PHKB: variants seen among roughly 807,000 people sequenced by gnomAD.
PHKB encodes phosphorylase kinase regulatory subunit beta.
A neutral mutation model predicts 152.1 loss-of-function variants in PHKB; 122 were observed. The ratio of observed to expected loss-of-function variants is 0.80; its 90% CI spans 0.69 to 0.93. PHKB has a LOEUF of 0.93. Ranked by LOEUF, PHKB falls within the 40% of genes least tolerant of loss-of-function variation. The pLI, the probability that PHKB is intolerant of heterozygous loss-of-function variation, is 0.00. For missense variants in PHKB, 1,304 were observed against 1,328.4 expected (o/e 0.98, Z 0.29); for synonymous variants, 436 against 464.9 (o/e 0.94, Z 0.80).
chr16:47,599,071 A>G, intron 13 of PHKB: 1 of 593,998 alleles, frequency 1.7e-6, no homozygotes, highest in Non-Finnish European at 3.0e-6. Context: ...TGGGAAGGTT[A>G]TCTCTGGTTA....
intron 14 of PHKB, among the ~76,000 whole-genome samples, chr16:47,624,263 G>A (rs1326239341): frequency 6.6e-6 from 1 of 152,136 alleles, no homozygotes; most frequent in Non-Finnish European, 1.5e-5. Context: ...ACTGTAACAT[G>A]GTCAGGTATC....
chr16:47,613,058 A>G (rs1402634922), intron 14 of PHKB, among the ~76,000 whole-genome samples: 1 of 152,104 alleles, frequency 6.6e-6, no homozygotes, highest in East Asian at 1.9e-4. Flanking sequence ...GTAAATAGGG[A>G]ATAGTAAAGT....
chr16:47,545,458 G>T (rs980899564), intron 6 of PHKB, among the ~76,000 whole-genome samples: 2 of 152,182 alleles, frequency 1.3e-5, no homozygotes, highest in African/African-American at 4.8e-5. Context: ...CTGCCGTGAG[G>T]TCTGCTGTTA....
At chr16:47,573,822 G>C (rs1898123856) in intron 7 of PHKB, among the ~76,000 whole-genome samples, 1 of 152,236 alleles carries the variant, frequency 6.6e-6, no homozygotes, top group Admixed American at 6.5e-5. Context: ...TGTGACCACT[G>C]TCTGAGTTAG....
chr16:47,516,265 C>T (rs1970595721), intron 6 of PHKB, among the ~76,000 whole-genome samples: 1 of 152,000 alleles, frequency 6.6e-6, no homozygotes, highest in South Asian at 2.1e-4. Flanking sequence ...CATAACTCAC[C>T]CTTTGAAAAG....
intron 10 of PHKB, among the ~76,000 whole-genome samples, chr16:47,591,223 C>T (rs1054578333): frequency 6.6e-6 from 1 of 152,082 alleles, no homozygotes; most frequent in Non-Finnish European, 1.5e-5. Flanking sequence ...AGAAACCAAA[C>T]GAAACCCTTC....
At chr16:47,527,546 G>A (rs1251723494) in intron 6 of PHKB, among the ~76,000 whole-genome samples, 1 of 152,166 alleles carries the variant, frequency 6.6e-6, no homozygotes, top group East Asian at 1.9e-4. Context: ...TCTTCTATAA[G>A]AAAGTGCACG....
chr16:47,642,175 C>T (rs1973036519), intron 16 of PHKB, among the ~76,000 whole-genome samples: 1 of 151,638 alleles, frequency 6.6e-6, no homozygotes, highest in Non-Finnish European at 1.5e-5. Flanking sequence ...GTACTCATAC[C>T]TAAATATTTT....
intron 26 of PHKB, among the ~76,000 whole-genome samples, chr16:47,673,848 A>G (rs1375477489): frequency 6.6e-6 from 1 of 152,198 alleles, no homozygotes; most frequent in Non-Finnish European, 1.5e-5. Flanking sequence ...TGAAGTAGGC[A>G]CTAGAACCAC....
At chr16:47,512,807 A>T (rs1359648329) in intron 5 of PHKB, among the ~76,000 whole-genome samples, 1 of 152,192 alleles carries the variant, frequency 6.6e-6, no homozygotes, top group African/African-American at 2.4e-5. Context: ...TTTGGGACAG[A>T]GTACTTAACT....
At chr16:47,565,093 ATCT>A (rs921809017) in intron 7 of PHKB, 41 of 489,336 alleles carry the variant, frequency 8.4e-5, no homozygotes, top group Admixed American at 6.4e-4. Flanking sequence ...ATTTGGTGTA[ATCT>A]TCTCCCTCGT....
intron 13 of PHKB, among the ~76,000 whole-genome samples, chr16:47,608,155 T>A (rs949896667): frequency 2.0e-5 from 3 of 152,222 alleles, no homozygotes; most frequent in Admixed American, 6.5e-5. Context: ...ACTTTCTTGA[T>A]GGATCTTTTG....
chr16:47,664,822 A>G, intron 24 of PHKB, 63 bp from the exon 25 acceptor site: 1 of 988,326 alleles, frequency 1.0e-6, no homozygotes, highest in Non-Finnish European at 1.6e-6. Flanking sequence ...TATGTTTGGA[A>G]GAACTCCTGG....
chr16:47,594,367 A>T (rs113502391), intron 12 of PHKB, among the ~76,000 whole-genome samples, 153 bp downstream of exon 12: 59 of 152,364 alleles, frequency 3.9e-4, no homozygotes, highest in African/African-American at 1.3e-3. Context: ...AGATTAAGCA[A>T]GACAAAGATG....
intron 26 of PHKB, among the ~76,000 whole-genome samples, chr16:47,681,660 G>T (rs1973859025): frequency 6.6e-6 from 1 of 152,084 alleles, no homozygotes. Flanking sequence ...GAGCCTATGT[G>T]TGTCTCTGCA....
intron 7 of PHKB, among the ~76,000 whole-genome samples, chr16:47,557,067 G>C (rs1328515600): frequency 6.6e-6 from 1 of 152,186 alleles, no homozygotes; most frequent in East Asian, 1.9e-4. Flanking sequence ...AGAGCCCTCA[G>C]AAATAATGCC....
At chr16:47,605,202 A>G (rs779559540) in intron 13 of PHKB, among the ~76,000 whole-genome samples, 40 of 152,322 alleles carry the variant, frequency 2.6e-4, no homozygotes, top group Non-Finnish European at 4.6e-4. Flanking sequence ...TAGTAAGTGT[A>G]TTGAGTGCCT....
At chr16:47,684,968 A>T (rs1973936316) in intron 26 of PHKB, among the ~76,000 whole-genome samples, 1 of 152,166 alleles carries the variant, frequency 6.6e-6, no homozygotes, top group African/African-American at 2.4e-5. Context: ...TGGCGAGTAG[A>T]GCATCTCTGG....
chr16:47,667,677 G>T (rs1187723934), intron 25 of PHKB, among the ~76,000 whole-genome samples: 1 of 152,168 alleles, frequency 6.6e-6, no homozygotes, highest in Non-Finnish European at 1.5e-5. Flanking sequence ...GCTTTGAGAA[G>T]ATATTTTTCC....
Sources: gnomAD v4.1 joint callset for allele counts (sites outside exome capture counted in the v4.1 genomes callset) on GRCh38, gnomAD v4.1.1 for gene constraint, MANE v1.5 for transcripts, NCBI Gene and HGNC (gene_info 2026-07-23, HGNC 2026-07-21) for gene names.